UNC13A: variants seen among roughly 807,000 people sequenced by gnomAD.
UNC13A encodes unc-13 homolog A.
UNC13A carries 61 observed loss-of-function variants against 219.7 expected under a neutral mutation model. That is an observed-to-expected ratio of 0.28 (90% CI 0.23 to 0.34). The LOEUF (loss-of-function observed/expected upper bound fraction) is 0.34, where lower values mean the gene tolerates loss of function less well. Among genes scored for constraint, UNC13A ranks in the 10% least tolerant of loss-of-function variants. The pLI is 1.00. For synonymous variants in UNC13A, 920 were observed against 884.6 expected (o/e 1.04, Z -0.71); for missense variants, 1,476 against 2,270.3 (o/e 0.65, Z 7.11).
intron 7 of UNC13A, among the ~76,000 whole-genome samples, chr19:17,665,556 CA>C (rs2079625416): frequency 6.6e-6 from 1 of 152,180 alleles, no homozygotes; most frequent in South Asian, 2.1e-4. Flanking sequence ...GACCTGGGTT[CA>C]AATCCTGGCT....
In UNC13A at chr19:17,606,338, C is replaced by T. The variant is rs2076529131; in HGVS notation, c.4828G>A (p.Ala1610Thr). 1.3e-6 allele frequency: 2 copies of T among 1,546,098 alleles called. No homozygotes were observed. The highest frequency in any genetic ancestry group is 2.4e-5 in the East Asian group (1 of 40,904). Residue 1610 changes from alanine to threonine, a missense_variant, in exon 44 of 44, where the codon GCG (alanine) becomes ACG (threonine). Physicochemically the swap from Ala to Thr is moderately conservative, Grantham distance 58. Around this residue, in one of 14 missense-constraint regions of UNC13A, gnomAD observed 187 missense variants for 172.3 expected, o/e 1.09. Transcript: ENST00000519716. Reference protein sequence around the residue: ...ESFQFTLSADAGPECYELQVC... With the variant: ...ESFQFTLSADTGPECYELQVC... ...TGCAGCTCATAGCACTCGGGACCCG[C>T]GTCGGCGCTCAGCGTGCTGCGTGGG...
Position 17,632,700 on chromosome 19 carries a change from G to T in UNC13A, c.3428+82C>A, listed in dbSNP as rs1009078414. On this transcript the variant is annotated intron_variant, in intron 28 of 43. Transcript: ENST00000519716. Reference sequence around the variant, plus strand: ...CCTGATGCCCAGGTAACCCTAAGTAGGTCAGTCTTCCTCTCTGGCTTTCCT... The same window carrying T: ...CCTGATGCCCAGGTAACCCTAAGTATGTCAGTCTTCCTCTCTGGCTTTCCT... 2.5e-6 allele frequency: 4 copies of T among 1,600,008 alleles called. No homozygotes were observed. In the Admixed American group the frequency reaches 6.7e-5, roughly 27 times the overall value.
At chr19:17,634,344 T>TC (rs1276181430) in intron 26 of UNC13A, among the ~76,000 whole-genome samples, 1 of 151,896 alleles carries the variant, frequency 6.6e-6, no homozygotes, top group East Asian at 1.9e-4. Context: ...ATCCATTCCT[T>TC]TTTTTTTATT....
At chr19:17,686,614 G>T (rs1356496413) in intron 1 of UNC13A, among the ~76,000 whole-genome samples, 2 of 151,926 alleles carry the variant, frequency 1.3e-5, no homozygotes, top group Non-Finnish European at 1.5e-5. Flanking sequence ...GAGGCTAGGG[G>T]ATGGAGGAGT....
chr19:17,640,055 G>C (rs924124889), intron 22 of UNC13A, 147 bp from the exon 23 acceptor site: 2 of 814,786 alleles, frequency 2.5e-6, no homozygotes, highest in African/African-American at 3.5e-5. Context: ...TTTGTTTTGA[G>C]ACAGAGTCTT....
chr19:17,649,120 C>T lies in UNC13A; in HGVS notation c.1525-137G>A. 1.7e-6 allele frequency: 2 copies of T among 1,182,266 alleles called. No homozygotes were observed. The highest frequency in any genetic ancestry group is 2.4e-6 in the Non-Finnish European group (2 of 837,680). 73.2% of individuals were successfully genotyped at this position (1,182,266 alleles called of 1,614,324 possible). On this transcript the variant is annotated intron_variant, in intron 14 of 43. Transcript: ENST00000519716. The surrounding 1 kb of genome is among the most constrained non-coding windows in gnomAD (Gnocchi z 4.4). Reference sequence around the variant, plus strand: ...CAAGTTGGAAACAGGTCACCGACAGCATCCGGGCCAGACCCAACAAAGAAT... The same window carrying T: ...CAAGTTGGAAACAGGTCACCGACAGTATCCGGGCCAGACCCAACAAAGAAT...
In UNC13A at chr19:17,634,756, C is replaced by A. The variant is rs140407773; in HGVS notation, c.3215+1268G>T. 2.0e-5 allele frequency among the ~76,000 whole-genome samples: 3 copies of A among 152,024 alleles called. 1 individual carries two copies. The highest frequency in any genetic ancestry group is 7.2e-5 in the African/African-American group (3 of 41,470). On this transcript the variant is annotated intron_variant, in intron 26 of 43. Transcript: ENST00000519716. ...GTCACCCCAGGCTGGAGTGCAGTGG[C>A]GCAATCTCGACTCACTGCAACCTCT...
At chr19:17,623,741 T>G (rs62119945) in intron 35 of UNC13A, among the ~76,000 whole-genome samples, 194 bp from the exon 36 acceptor site, 17,772 of 151,800 alleles carry the variant, frequency 0.12, 1,185 homozygotes, top group Middle Eastern at 0.2. Context: ...TGGCCCCCGC[T>G]CACCCTCCCC....
intron 1 of UNC13A, among the ~76,000 whole-genome samples, chr19:17,678,525 C>G (rs1232344117): frequency 6.6e-6 from 1 of 151,998 alleles, no homozygotes; most frequent in African/African-American, 2.4e-5. Context: ...TGACCCTGGG[C>G]AAGTGAACCC....
At chr19:17,609,203 C>T (rs1178026810) in intron 43 of UNC13A, among the ~76,000 whole-genome samples, 1 of 150,618 alleles carries the variant, frequency 6.6e-6, no homozygotes, top group Non-Finnish European at 1.5e-5. Context: ...CTCCTGACCT[C>T]AGGTGATCTG....
In UNC13A at chr19:17,647,367, T is replaced by A; in HGVS notation, c.1942A>T (p.Ile648Phe). The A allele has an allele frequency of 6.2e-7, 1 of 1,613,648 alleles. No homozygotes were observed. The highest frequency in any genetic ancestry group is 8.5e-7 in the Non-Finnish European group (1 of 1,179,792). Residue 648 changes from isoleucine to phenylalanine, a missense_variant, in exon 17 of 44, where the codon ATC becomes TTC. Ile to Phe is a conservative substitution (Grantham distance 21). This residue lies in a region of UNC13A where 34 missense variants were observed against 38.7 expected (regional missense o/e 0.88). Transcript: ENST00000519716. ...TGCGCCGTCTTGGTCACCGCGAAGA[T>A]CTCCTGGATGAGCTCGAAGATCTCG... ...KPEIFELIQE[I>F]FAVTKTAHTQ... is the part of the protein sequence containing the mutation.
At position 17,669,557 on chromosome 19, in the gene UNC13A, G is replaced by C; in HGVS notation, c.390C>G (p.Pro130=). 6.2e-7 allele frequency: 1 copy of C among 1,613,658 alleles called. No homozygotes were observed. The change falls in exon 5 of 44, where the codon CCC becomes CCG. Residue 130 remains proline (P), a synonymous_variant. Transcript: ENST00000519716. ...RILLDTRFEL[P]LDIPEEEARY... is the part of the protein sequence containing the mutation. The stretch of plus-strand genomic sequence containing the variant: ...GTCCCGGGCCCCTGTACTCACCTAA[G>C]GGTAGCTCAAAGCGCGTGTCCAGGA...
chr19:17,617,865 T>G lies in UNC13A; in HGVS notation c.4411-16A>C. ...GGAAATATTGCTGGGGAGGACAGGGTGGGGAGAGGTGAGGATGGTGGGAAC... is the reference window on the plus strand; with the variant it reads ...GGAAATATTGCTGGGGAGGACAGGGGGGGGAGAGGTGAGGATGGTGGGAAC... On this transcript the variant is annotated splice_polypyrimidine_tract_variant and intron_variant, in intron 40 of 43. Coordinates refer to ENST00000519716, the MANE Select transcript of UNC13A (RefSeq NM_001080421.3). The G allele has an allele frequency of 2.5e-6, 4 of 1,613,350 alleles. No individual in the cohort carries two copies. The highest frequency in any genetic ancestry group is 3.4e-6 in the Non-Finnish European group (4 of 1,179,700).
At chr19:17,626,388 C>A (rs1288012804) in intron 34 of UNC13A, 3 of 468,490 alleles carry the variant, frequency 6.4e-6, no homozygotes, top group Non-Finnish European at 7.6e-6. Flanking sequence ...ACCCACCTAC[C>A]CATCCCTCAT....
chr19:17,641,258 G>A, intron 21 of UNC13A, 135 bp downstream of exon 21: 2 of 1,095,006 alleles, frequency 1.8e-6, no homozygotes, highest in Admixed American at 4.8e-5. Context: ...ATCTCCAGGG[G>A]AATTACGGAA....
At chr19:17,648,825 C>A in intron 15 of UNC13A, 87 bp downstream of exon 15, 1 of 1,519,236 alleles carries the variant, frequency 6.6e-7, no homozygotes, top group Non-Finnish European at 8.9e-7. Flanking sequence ...CCTTCCTCTT[C>A]CCGGGGACCC....
Position 17,626,668 on chromosome 19 carries a change from A to G in UNC13A, c.4038T>C (p.Asn1346=). 1 of 1,571,062 alleles carries G rather than the reference A, an allele frequency of 6.4e-7. No individual in the cohort carries two copies. The highest frequency in any genetic ancestry group is 8.6e-7 in the Non-Finnish European group (1 of 1,157,948). The change falls in exon 34 of 44, where the codon AAT becomes AAC. Residue 1346 remains asparagine (N), a synonymous_variant. Transcript: ENST00000519716. ...ACSSVAQDAD[N]VLQPIMDLLD... ...GCAGGTCCATGATGGGCTGCAACAC[A>G]TTGTCCGCGTCCTGGGCCACGCTGC... is the stretch of plus-strand genomic sequence containing the variant.
chr19:17,613,934 T>C (rs1426735114), intron 41 of UNC13A: 3 of 150,230 alleles, frequency 2.0e-5, no homozygotes, highest in Non-Finnish European at 3.0e-5. Flanking sequence ...ATGGTCTCGA[T>C]CTCTTGACCT....
At position 17,668,209 on chromosome 19, in the gene UNC13A, CTG is replaced by C; in HGVS notation, c.395-21_395-20del. On this transcript the variant is annotated intron_variant, in intron 5 of 43. Transcript: ENST00000519716. The stretch of plus-strand genomic sequence containing the variant: ...GGAATGTCTGCAAGCAGAGCCCTGT[CTG>C]TGAGCCTGGAAGACCCTCCCTGCCG... 1.2e-6 allele frequency: 2 copies of C among 1,610,276 alleles called. No individual in the cohort carries two copies. The highest frequency in any genetic ancestry group is 1.7e-6 in the Non-Finnish European group (2 of 1,178,294).
Sources: allele counts gnomAD v4.1 joint callset (sites outside exome capture counted in the v4.1 genomes callset), GRCh38; gene constraint gnomAD v4.1.1; regional missense constraint gnomAD v4.1.1; non-coding constraint Gnocchi (gnomAD v3.1); transcripts MANE v1.5; gene names NCBI Gene and HGNC (gene_info 2026-07-23, HGNC 2026-07-21).